The following SCOC variants were observed in gnomAD, a reference collection of about 807,000 sequenced individuals.
The protein encoded by SCOC is short coiled coil protein.
In SCOC, 7 loss-of-function variants were observed where a neutral mutation model predicts 9.9. That is an observed-to-expected ratio of 0.71 (90% CI 0.40 to 1.33). SCOC has a LOEUF of 1.33. Among genes scored for constraint, SCOC ranks in the 40% most tolerant of loss-of-function variants. The pLI, the probability that SCOC is intolerant of heterozygous loss-of-function variation, is 0.01. For missense variants in SCOC, 66 were observed against 89.7 expected (o/e 0.74, Z 1.07); for synonymous variants, 19 against 28.2 (o/e 0.67, Z 1.03).
At chr4:140,286,965 G>A (rs943924603) in intron 1 of SCOC, among the ~76,000 whole-genome samples, 3 of 151,960 alleles carry the variant, frequency 2.0e-5, no homozygotes, top group Non-Finnish European at 2.9e-5. Flanking sequence ...GAACACATAC[G>A]ACATACACAC....
upstream of SCOC, among the ~76,000 whole-genome samples, chr4:140,369,156 C>T (rs1727932913): frequency 6.6e-6 from 1 of 152,106 alleles, no homozygotes; most frequent in African/African-American, 2.4e-5. Context: ...TGGTTATTAT[C>T]AGAAATTATA....
chr4:140,338,292 C>T (rs571869200), intron 1 of SCOC, among the ~76,000 whole-genome samples: 18 of 152,178 alleles, frequency 1.2e-4, no homozygotes, highest in South Asian at 4.2e-4. Context: ...ATTGATGGGA[C>T]GTATCTCAAA....
intron 1 of SCOC, among the ~76,000 whole-genome samples, chr4:140,286,068 C>T (rs912088939): frequency 1.3e-5 from 2 of 151,922 alleles, no homozygotes; most frequent in Non-Finnish European, 2.9e-5. Flanking sequence ...GTCTGTAATT[C>T]CAGGTGCTCG....
At chr4:140,332,280 T>G (rs4956499) in intron 1 of SCOC, among the ~76,000 whole-genome samples, 86,214 of 151,016 alleles carry the variant, frequency 0.57, 26,863 homozygotes, top group Non-Finnish European at 0.71. Flanking sequence ...TTTCTCCTTC[T>G]ATGTGTTTCA....
intron 2 of SCOC, among the ~76,000 whole-genome samples, chr4:140,362,169 C>A (rs1727510977): frequency 6.6e-6 from 1 of 151,502 alleles, no homozygotes; most frequent in Admixed American, 6.6e-5. Context: ...TCACACTGGG[C>A]ATGATTTGCT....
intron 1 of SCOC, among the ~76,000 whole-genome samples, chr4:140,332,772 A>T (rs1732854886): frequency 6.6e-6 from 1 of 152,110 alleles, no homozygotes; most frequent in Admixed American, 6.6e-5. Context: ...ACTACTTTAT[A>T]CCACCTCAAC....
chr4:140,317,496 C>T (rs921950350), intron 1 of SCOC, among the ~76,000 whole-genome samples: 2 of 152,026 alleles, frequency 1.3e-5, no homozygotes, highest in African/African-American at 2.4e-5. Context: ...CTTGCTCAAT[C>T]GATCACGACC....
At chr4:140,260,322 C>A (rs140642567) in intron 1 of SCOC, among the ~76,000 whole-genome samples, 3 of 152,292 alleles carry the variant, frequency 2.0e-5, no homozygotes, top group African/African-American at 7.2e-5. Flanking sequence ...GACAAACTAG[C>A]GAAGCCATTT....
chr4:140,333,333 T>C (rs1732873138), intron 1 of SCOC, among the ~76,000 whole-genome samples: 1 of 152,122 alleles, frequency 6.6e-6, no homozygotes, highest in South Asian at 2.1e-4. Flanking sequence ...TGTGTGTGTT[T>C]AGGTATACAT....
At chr4:140,309,577 C>G (rs1339527616) in intron 1 of SCOC, among the ~76,000 whole-genome samples, 1 of 152,216 alleles carries the variant, frequency 6.6e-6, no homozygotes, top group East Asian at 1.9e-4. Flanking sequence ...ACAGTACCCA[C>G]AGAATAACTC....
intron 2 of SCOC, among the ~76,000 whole-genome samples, chr4:140,362,177 G>T (rs1727512055): frequency 1.3e-5 from 2 of 151,146 alleles, no homozygotes; most frequent in African/African-American, 4.8e-5. Flanking sequence ...GGCATGATTT[G>T]CTTCACTGCG....
At chr4:140,297,657 G>A (rs890384297) in intron 1 of SCOC, among the ~76,000 whole-genome samples, 5 of 152,174 alleles carry the variant, frequency 3.3e-5, no homozygotes, top group Admixed American at 2.0e-4. Context: ...ATACATCAAG[G>A]AATAAGTGAC....
At chr4:140,299,431 A>AT (rs1401932510) in intron 1 of SCOC, among the ~76,000 whole-genome samples, 3 of 152,198 alleles carry the variant, frequency 2.0e-5, no homozygotes, top group South Asian at 2.1e-4. Flanking sequence ...TCTTTTTTCA[A>AT]TTTTTTTCTT....
chr4:140,364,578 G>A (rs541381268), intron 2 of SCOC, among the ~76,000 whole-genome samples: 1 of 152,258 alleles, frequency 6.6e-6, no homozygotes, highest in East Asian at 1.9e-4. Flanking sequence ...CAAATGCAGG[G>A]GGGTTATGAT....
chr4:140,273,835 A>G (rs190775527), intron 1 of SCOC, among the ~76,000 whole-genome samples: 2 of 152,334 alleles, frequency 1.3e-5, no homozygotes, highest in Admixed American at 1.3e-4. Context: ...ATGTCTTCCA[A>G]TTCTGCCCCA....
intron 1 of SCOC, among the ~76,000 whole-genome samples, chr4:140,311,685 T>A (rs1285762124): frequency 2.0e-5 from 3 of 152,124 alleles, no homozygotes; most frequent in Non-Finnish European, 4.4e-5. Flanking sequence ...ACTGCTTGAG[T>A]TAATCTTTTC....
intron 2 of SCOC, among the ~76,000 whole-genome samples, chr4:140,351,242 C>T (rs1433898707): frequency 3.3e-5 from 5 of 151,748 alleles, no homozygotes; most frequent in Non-Finnish European, 7.4e-5. Flanking sequence ...CATCAGTTCT[C>T]ATGGTAACGA....
At chr4:140,286,294 C>T (rs72937779) in intron 1 of SCOC, among the ~76,000 whole-genome samples, 357 of 151,820 alleles carry the variant, frequency 2.4e-3, no homozygotes, top group African/African-American at 7.7e-3. Context: ...TAGTTATTAC[C>T]AGCCCACCGT....
intron 1 of SCOC, among the ~76,000 whole-genome samples, chr4:140,269,308 G>A (rs1432747670): frequency 2.6e-5 from 4 of 152,168 alleles, no homozygotes; most frequent in Non-Finnish European, 5.9e-5. Context: ...CAGTGAAAGT[G>A]ACAAAATGGG....
Sources: allele counts gnomAD v4.1 joint callset (sites outside exome capture counted in the v4.1 genomes callset), GRCh38; gene constraint gnomAD v4.1.1; transcripts MANE v1.5; gene names NCBI Gene and HGNC (gene_info 2026-07-23, HGNC 2026-07-21).